SLCO3A1: variants seen among roughly 807,000 people sequenced by gnomAD.
SLCO3A1 encodes solute carrier organic anion transporter family member 3A1, also known as PGE1 transporter.
A neutral mutation model predicts 63.1 loss-of-function variants in SLCO3A1; 27 were observed. The ratio of observed to expected loss-of-function variants is 0.43; its 90% CI spans 0.32 to 0.59. SLCO3A1 has a LOEUF of 0.59. Ranked by LOEUF, SLCO3A1 falls within the 20% of genes least tolerant of loss-of-function variation. SLCO3A1 has a pLI of 0.09. For synonymous variants in SLCO3A1, 473 were observed against 409.9 expected, an observed-to-expected ratio of 1.15 and a Z score of -1.86; for missense variants, 773 against 945.8, an observed-to-expected ratio of 0.82 and a Z score of 2.40.
intron 2 of SLCO3A1, among the ~76,000 whole-genome samples, chr15:92,018,604 T>C (rs2046467748): frequency 6.6e-6 from 1 of 152,122 alleles, no homozygotes; most frequent in South Asian, 2.1e-4. Context: ...TGACCTCAGG[T>C]CTGGCAGATA....
chr15:91,853,899 C>CGGG lies in SLCO3A1; in HGVS notation c.-7_-5dup, dbSNP rs886407924. 6.0e-6 allele frequency: 8 copies of CGGG among 1,336,160 alleles called. No homozygotes were observed. In the African/African-American group the frequency reaches 6.5e-5, roughly 11 times the overall value. The allele number at this position is 1,336,160 out of a possible 1,614,324, so 82.8% of individuals were successfully genotyped here. On this transcript the variant is annotated 5_prime_UTR_variant, in exon 1 of 10. Coordinates refer to ENST00000318445, the MANE Select transcript of SLCO3A1 (RefSeq NM_013272.4). ...GCAGCGGCGGCGGCGGCGGCGGCGG[C>CGGG]GGGGGAAGGATGCAGGGGAAGAAGC...
At chr15:91,880,411 G>GTGTGTGTGTGTGTT (rs1302031255) in intron 1 of SLCO3A1, among the ~76,000 whole-genome samples, 1 of 149,414 alleles carries the variant, frequency 6.7e-6, no homozygotes, top group African/African-American at 2.5e-5. Context: ...CTCTCTCTCT[G>GTGTGTGTGTGTGTT]TGTGTGTGTG....
chr15:91,943,134 T>C (rs2151401905), intron 2 of SLCO3A1, among the ~76,000 whole-genome samples: 1 of 152,356 alleles, frequency 6.6e-6, no homozygotes, highest in South Asian at 2.1e-4. Flanking sequence ...TACCCATTTG[T>C]AAGTGTGCAG....
intron 2 of SLCO3A1, among the ~76,000 whole-genome samples, chr15:91,988,513 G>C (rs893319341): frequency 6.6e-6 from 1 of 151,258 alleles, no homozygotes; most frequent in African/African-American, 2.4e-5. Flanking sequence ...TACATGGGAT[G>C]GTTCAGCATG....
intron 2 of SLCO3A1, among the ~76,000 whole-genome samples, chr15:92,091,024 C>T (rs369215119): frequency 6.6e-6 from 1 of 152,180 alleles, no homozygotes; most frequent in Non-Finnish European, 1.5e-5. Flanking sequence ...TGTTCATACT[C>T]TCACCTGGAC....
chr15:92,170,920 C>A (rs561260235), intron 10 of SLCO3A1: 77 of 152,340 alleles, frequency 5.1e-4, no homozygotes, highest in African/African-American at 1.8e-3. Flanking sequence ...ACTCCCCACG[C>A]CCAAGTCTTT....
intron 2 of SLCO3A1, among the ~76,000 whole-genome samples, chr15:92,009,037 C>A (rs35472418): frequency 0.14 from 21,890 of 152,094 alleles, 1,639 homozygotes; most frequent in African/African-American, 0.16. Context: ...CTGACATGTT[C>A]TTTTTAATTG....
intron 4 of SLCO3A1, among the ~76,000 whole-genome samples, chr15:92,105,612 C>T (rs1034064371): frequency 6.6e-6 from 1 of 152,150 alleles, no homozygotes. Context: ...TCAGAAGCTG[C>T]TCGGCGACTA....
At chr15:92,167,342 C>T (rs146924169), downstream of SLCO3A1, among the ~76,000 whole-genome samples, 12 of 152,328 alleles carry the variant, frequency 7.9e-5, no homozygotes, top group South Asian at 4.1e-4. Context: ...TTTTAGGGAC[C>T]GTTCCCCCTT....
At chr15:91,874,674 C>T (rs531611982) in intron 1 of SLCO3A1, among the ~76,000 whole-genome samples, 1 of 152,340 alleles carries the variant, frequency 6.6e-6, no homozygotes, top group African/African-American at 2.4e-5. Context: ...CACATGTTGG[C>T]TATTGTGAAT....
chr15:92,002,590 C>T (rs1008800710), intron 2 of SLCO3A1, among the ~76,000 whole-genome samples: 10 of 152,288 alleles, frequency 6.6e-5, no homozygotes, highest in Admixed American at 6.5e-4. Context: ...TGACTCCAGC[C>T]TTTCCAAATA....
At chr15:92,076,397 T>C (rs995697941) in intron 2 of SLCO3A1, among the ~76,000 whole-genome samples, 3 of 152,188 alleles carry the variant, frequency 2.0e-5, no homozygotes, top group African/African-American at 7.2e-5. Flanking sequence ...TGCTGCATGT[T>C]CAGTACTTTC....
intron 2 of SLCO3A1, among the ~76,000 whole-genome samples, chr15:92,053,278 C>A (rs1597263881): frequency 6.6e-6 from 1 of 152,054 alleles, no homozygotes; most frequent in African/African-American, 2.4e-5. Flanking sequence ...TTCTTGGAGC[C>A]CCCTTTTTAT....
chr15:91,982,100 C>T (rs2045995201), intron 2 of SLCO3A1, among the ~76,000 whole-genome samples: 2 of 152,262 alleles, frequency 1.3e-5, no homozygotes, highest in African/African-American at 4.8e-5. Flanking sequence ...AGATTCTGGC[C>T]CTCAGGCAGC....
chr15:91,930,510 A>G (rs1899188651), intron 2 of SLCO3A1, among the ~76,000 whole-genome samples: 1 of 152,214 alleles, frequency 6.6e-6, no homozygotes. Flanking sequence ...TATAATGCAT[A>G]TGGTGAGATT....
intron 2 of SLCO3A1, among the ~76,000 whole-genome samples, chr15:92,090,779 G>C (rs775347122): frequency 6.6e-6 from 1 of 152,192 alleles, no homozygotes; most frequent in Non-Finnish European, 1.5e-5. Flanking sequence ...CGTTGTAGGA[G>C]AGTCACAGGT....
intron 2 of SLCO3A1, among the ~76,000 whole-genome samples, chr15:92,092,630 C>T (rs1264800622): frequency 6.6e-6 from 1 of 152,112 alleles, no homozygotes; most frequent in Admixed American, 6.6e-5. Flanking sequence ...CCGCTTCTGA[C>T]TCGGACAACT....
intron 2 of SLCO3A1, among the ~76,000 whole-genome samples, chr15:91,965,000 G>C (rs958487904): frequency 6.6e-6 from 1 of 152,050 alleles, no homozygotes; most frequent in Non-Finnish European, 1.5e-5. Flanking sequence ...CAGCTTTTGG[G>C]AGGATTACAG....
At chr15:92,090,936 A>G (rs963901316) in intron 2 of SLCO3A1, among the ~76,000 whole-genome samples, 2 of 152,184 alleles carry the variant, frequency 1.3e-5, no homozygotes, top group African/African-American at 2.4e-5. Flanking sequence ...GAAGAAGCTG[A>G]GGCATGGGAG....
Sources: gnomAD v4.1 joint callset for allele counts (sites outside exome capture counted in the v4.1 genomes callset) on GRCh38, gnomAD v4.1.1 for gene constraint, MANE v1.5 for transcripts, NCBI Gene and HGNC (gene_info 2026-07-23, HGNC 2026-07-21) for gene names.